The following DNAH5 variants were observed in gnomAD, a reference collection of about 807,000 sequenced individuals.
The protein encoded by DNAH5 is axonemal beta dynein heavy chain 5.
In DNAH5, 372 loss-of-function variants were observed where a neutral mutation model predicts 518.2. That is an observed-to-expected ratio of 0.72 (90% CI 0.66 to 0.78). The LOEUF (loss-of-function observed/expected upper bound fraction) is 0.78, where lower values mean the gene tolerates loss of function less well. Ranked by LOEUF, DNAH5 falls within the 30% of genes least tolerant of loss-of-function variation. The pLI, the probability that DNAH5 is intolerant of heterozygous loss-of-function variation, is 0.00. For synonymous variants in DNAH5, 2,039 were observed against 2,025.9 expected, an observed-to-expected ratio of 1.01 and a Z score of -0.17; for missense variants, 5,523 against 5,687.0, an observed-to-expected ratio of 0.97 and a Z score of 0.93.
Position 13,716,671 on chromosome 5 carries a change from A to T in DNAH5, c.12725T>A (p.Ile4242Asn), listed in dbSNP as rs767681422. ...TTGAATCTCTCCTATCATGTAGCGG[A>T]TGGTGGTCCAGGAGACACCCTGGGA... ...DVKKGVSWTT[I>N]RYMIGEIQYG... is the part of the protein sequence containing the mutation. Residue 4242 changes from isoleucine to asparagine, a missense_variant, in exon 74 of 79, where the codon ATC becomes AAC. Ile to Asn is a moderately radical substitution (Grantham distance 149). Around this residue, in one of 3 missense-constraint regions of DNAH5, gnomAD observed 5,121 missense variants for 5,223.3 expected, o/e 0.98. Transcript: ENST00000265104. 14 of 1,613,496 alleles carry T rather than the reference A, an allele frequency of 8.7e-6. No homozygotes were observed. Among genetic ancestry groups the T allele is most frequent in the Non-Finnish European group, 1.2e-5 (14 of 1,179,506 alleles).
At chr5:13,975,535 G>A (rs1361949228) in intron 1 of DNAH5, among the ~76,000 whole-genome samples, 1 of 152,142 alleles carries the variant, frequency 6.6e-6, no homozygotes, top group Non-Finnish European at 1.5e-5. Flanking sequence ...AATGGACAGG[G>A]CGAAAATGGG....
At chr5:13,763,040 T>C in intron 59 of DNAH5, 139 bp from the exon 60 acceptor site, 3 of 786,240 alleles carry the variant, frequency 3.8e-6, no homozygotes, top group South Asian at 1.5e-5. Flanking sequence ...TATTTTAAGA[T>C]ATGAGGCAAA....
At chr5:13,838,700 A>C (rs556811307) in intron 35 of DNAH5, among the ~76,000 whole-genome samples, 49 of 152,342 alleles carry the variant, frequency 3.2e-4, no homozygotes, top group Admixed American at 2.7e-3. Flanking sequence ...AATAAAGTGC[A>C]CAATAAATGG....
At chr5:13,816,611 T>A (rs1761484294) in intron 42 of DNAH5, among the ~76,000 whole-genome samples, 1 of 151,722 alleles carries the variant, frequency 6.6e-6, no homozygotes, top group Non-Finnish European at 1.5e-5. Flanking sequence ...ATTTTGTCAC[T>A]GGGTCTGTGT....
chr5:13,859,358 T>C lies in DNAH5; in HGVS notation c.4950+94A>G, dbSNP rs1026758511. The C allele has an allele frequency of 3.8e-5, 51 of 1,343,358 alleles. No homozygotes were observed. In the African/African-American group the frequency reaches 5.6e-4, roughly 15 times the overall value. The allele number at this position is 1,343,358 out of a possible 1,614,324, so 83.2% of individuals were successfully genotyped here. On this transcript the variant is annotated intron_variant, in intron 30 of 78. Coordinates refer to ENST00000265104, the MANE Select transcript of DNAH5 (RefSeq NM_001369.3). ...AAAAGATTGAAGGAAGGGGGTTCAA[T>C]AGAAGTGGAATATTATTGCATTATT...
At chr5:13,697,127 G>A (rs905714502) in intron 78 of DNAH5, among the ~76,000 whole-genome samples, 2 of 152,122 alleles carry the variant, frequency 1.3e-5, no homozygotes, top group Non-Finnish European at 2.9e-5. Context: ...CATTTTATAT[G>A]GGAAACATTT....
At position 13,824,349 on chromosome 5, in the gene DNAH5, T is replaced by C. The variant is rs113510619; in HGVS notation, c.6445-16A>G. On this transcript the variant is annotated splice_polypyrimidine_tract_variant and intron_variant, in intron 38 of 78. Transcript: ENST00000265104. ...CATAATGAACCTAGAGAATGTGAGA[T>C]ACATTGGGCTTATTTTCAACATTAA... is the stretch of plus-strand genomic sequence containing the variant. 2 of 1,613,618 alleles carry C rather than the reference T, an allele frequency of 1.2e-6. No individual in the cohort carries two copies. The highest frequency in any genetic ancestry group is 2.7e-5 in the African/African-American group (2 of 74,920).
At chr5:13,991,279 A>G (rs768540572) in intron 1 of DNAH5, among the ~76,000 whole-genome samples, 3 of 152,220 alleles carry the variant, frequency 2.0e-5, no homozygotes, top group Non-Finnish European at 2.9e-5. Flanking sequence ...CAGAGAGCTG[A>G]AAGGGAACAA....
At chr5:14,000,001 A>G (rs965480269) in intron 1 of DNAH5, among the ~76,000 whole-genome samples, 2 of 152,234 alleles carry the variant, frequency 1.3e-5, no homozygotes, top group African/African-American at 4.8e-5. Flanking sequence ...AATTACTGAT[A>G]ATAGGTTCAT....
At chr5:13,955,397 A>C (rs1461409563) in intron 1 of DNAH5, among the ~76,000 whole-genome samples, 2 of 152,198 alleles carry the variant, frequency 1.3e-5, no homozygotes, top group African/African-American at 2.4e-5. Flanking sequence ...CAATGTGAAA[A>C]CAGACTAATA....
At chr5:13,721,377 G>A in intron 70 of DNAH5, 132 bp from the exon 71 acceptor site, 1 of 1,032,778 alleles carries the variant, frequency 9.7e-7, no homozygotes, top group Non-Finnish European at 1.5e-6. Context: ...GGCAAACAGG[G>A]TAGAGACTGT....
At chr5:13,861,519 T>C (rs1013441449) in intron 29 of DNAH5, among the ~76,000 whole-genome samples, 2 of 152,300 alleles carry the variant, frequency 1.3e-5, no homozygotes, top group South Asian at 2.1e-4. Flanking sequence ...TTACCATATA[T>C]TTGAGAAGAT....
At chr5:13,766,303 A>G (rs1010308247) in intron 58 of DNAH5, 124 bp from the exon 59 acceptor site, 34 of 989,994 alleles carry the variant, frequency 3.4e-5, no homozygotes, top group Non-Finnish European at 3.3e-5. Context: ...GATGCAGGCC[A>G]CAGGGTCTAG....
intron 38 of DNAH5, 61 bp from the exon 39 acceptor site, chr5:13,824,394 T>C (rs1260016494): frequency 6.6e-7 from 1 of 1,504,540 alleles, no homozygotes; most frequent in Admixed American, 1.7e-5. Flanking sequence ...AGAAGCCATA[T>C]GAATCTGACA....
chr5:13,781,170 G>A (rs1755073846), intron 52 of DNAH5, among the ~76,000 whole-genome samples: 1 of 152,108 alleles, frequency 6.6e-6, no homozygotes, highest in East Asian at 1.9e-4. Flanking sequence ...ACCGTGGGGT[G>A]TGCCTTTAGG....
Position 13,805,856 on chromosome 5 carries a change from A to T in DNAH5, c.7887+1735T>A, listed in dbSNP as rs188436715. Among the ~76,000 whole-genome samples the T allele has an allele frequency of 2.1e-4, 32 of 152,320 alleles. No homozygotes were observed. The East Asian group carries it at 3.9e-3, about 18-fold the overall frequency. Reference sequence around the variant, plus strand: ...AATTTGTAGCCACTTGGTCAGAGGTATGGGTCTCTTGAGAACCCCTGAGCT... The same window carrying T: ...AATTTGTAGCCACTTGGTCAGAGGTTTGGGTCTCTTGAGAACCCCTGAGCT... On this transcript the variant is annotated intron_variant, in intron 47 of 78. Transcript: ENST00000265104.
chr5:13,753,117 C>T (rs1750476112), intron 63 of DNAH5, 116 bp downstream of exon 63: 1 of 761,460 alleles, frequency 1.3e-6, no homozygotes, highest in Non-Finnish European at 2.3e-6. Flanking sequence ...TACTGCTCTA[C>T]CTAGGATTAC....
chr5:13,737,224 G>C lies in DNAH5; in HGVS notation c.11455+28C>G, dbSNP rs769614044. On this transcript the variant is annotated intron_variant, in intron 66 of 78. Coordinates refer to ENST00000265104, the MANE Select transcript of DNAH5 (RefSeq NM_001369.3). ...TTCCTCTCTCATTTCATTTTCCTGT[G>C]ACATTTGTCTTTCATTACCAAACTC... The C allele has an allele frequency of 1.5e-5, 25 of 1,613,290 alleles. No individual in the cohort carries two copies. The South Asian group carries it at 2.4e-4, about 16-fold the overall frequency.
At chr5:13,705,168 G>GT (rs35870677) in intron 76 of DNAH5, among the ~76,000 whole-genome samples, 10 of 151,974 alleles carry the variant, frequency 6.6e-5, no homozygotes, top group East Asian at 1.9e-4. Context: ...ATTTTTTGTA[G>GT]TTTTTTTAGT....
Sources: allele counts gnomAD v4.1 joint callset (sites outside exome capture counted in the v4.1 genomes callset), GRCh38; gene constraint gnomAD v4.1.1; regional missense constraint gnomAD v4.1.1; transcripts MANE v1.5; gene names NCBI Gene and HGNC (gene_info 2026-07-23, HGNC 2026-07-21).